The following CTNND2 variants were observed in gnomAD, a reference collection of about 807,000 sequenced individuals.
CTNND2 encodes catenin delta-2.
CTNND2 carries 22 observed loss-of-function variants against 144.4 expected under a neutral mutation model. The ratio of observed to expected loss-of-function variants is 0.15; its 90% confidence interval spans 0.11 to 0.22. The LOEUF (loss-of-function observed/expected upper bound fraction) is 0.22, where lower values mean the gene tolerates loss of function less well. CTNND2 is among the 10% of genes least tolerant of loss of function. The probability of loss-of-function intolerance (pLI) is 1.00; values close to 1 mark genes in which losing one functional copy is unlikely to be tolerated. For missense variants in CTNND2, 1,353 were observed against 1,618.8 expected (o/e 0.84, Z 2.82); for synonymous variants, 751 against 695.6 (o/e 1.08, Z -1.25).
At chr5:11,439,363 G>C (rs553656361) in intron 3 of CTNND2, among the ~76,000 whole-genome samples, 1 of 152,204 alleles carries the variant, frequency 6.6e-6, no homozygotes, top group East Asian at 1.9e-4. Flanking sequence ...GTGGATCTTC[G>C]GTCCACTATT....
chr5:11,555,425 G>C (rs544275629), intron 3 of CTNND2, among the ~76,000 whole-genome samples: 103 of 152,258 alleles, frequency 6.8e-4, no homozygotes, highest in African/African-American at 2.5e-3. Context: ...GAAAGTCTCA[G>C]AGCACTAGTG....
chr5:11,190,380 C>A (rs1034908396), intron 11 of CTNND2, among the ~76,000 whole-genome samples: 1 of 152,248 alleles, frequency 6.6e-6, no homozygotes, highest in Admixed American at 6.5e-5. Context: ...TTCCCCTGGT[C>A]TCCATAAGAT....
chr5:11,866,746 C>T (rs1795787671), intron 1 of CTNND2, among the ~76,000 whole-genome samples: 1 of 152,228 alleles, frequency 6.6e-6, no homozygotes, highest in Admixed American at 6.5e-5. Flanking sequence ...ACAAACTACA[C>T]TACTGCTCAT....
At chr5:11,662,606 A>C (rs1308383556) in intron 2 of CTNND2, among the ~76,000 whole-genome samples, 1 of 152,074 alleles carries the variant, frequency 6.6e-6, no homozygotes, top group Non-Finnish European at 1.5e-5. Context: ...CTCAAATGTT[A>C]ATCTCCTTCG....
chr5:11,536,303 ATCC>A (rs1487480870), intron 3 of CTNND2, among the ~76,000 whole-genome samples: 1 of 152,118 alleles, frequency 6.6e-6, no homozygotes, highest in Non-Finnish European at 1.5e-5. Context: ...GCCTCAAGCA[ATCC>A]TCCTACCTAG....
intron 18 of CTNND2, among the ~76,000 whole-genome samples, chr5:11,000,854 G>C (rs79870290): frequency 6.6e-6 from 1 of 152,136 alleles, no homozygotes; most frequent in South Asian, 2.1e-4. Context: ...AGGTTATTCC[G>C]GGTAGGGCCT....
At chr5:11,301,548 T>G (rs1749611191) in intron 9 of CTNND2, among the ~76,000 whole-genome samples, 1 of 152,210 alleles carries the variant, frequency 6.6e-6, no homozygotes, top group African/African-American at 2.4e-5. Flanking sequence ...TTACAATCTT[T>G]CTTGTTGTTT....
chr5:11,629,156 TTAAATAAC>T (rs1214129530), intron 2 of CTNND2, among the ~76,000 whole-genome samples: 1 of 152,200 alleles, frequency 6.6e-6, no homozygotes, highest in Non-Finnish European at 1.5e-5. Context: ...AGAGCTATGC[TTAAATAAC>T]TAATTTCCAT....
intron 9 of CTNND2, among the ~76,000 whole-genome samples, chr5:11,318,471 G>A (rs73743755): frequency 0.015 from 2,353 of 152,130 alleles, 41 homozygotes; most frequent in African/African-American, 0.053. Context: ...CCCCTCCCAC[G>A]TACAGGATGG....
intron 3 of CTNND2, among the ~76,000 whole-genome samples, chr5:11,495,993 C>T (rs1769897006): frequency 6.6e-6 from 1 of 152,130 alleles, no homozygotes; most frequent in Admixed American, 6.5e-5. Flanking sequence ...TATAATTCTT[C>T]TCCTTTCCTC....
chr5:11,439,733 G>C (rs1764076537), intron 3 of CTNND2, among the ~76,000 whole-genome samples: 1 of 145,170 alleles, frequency 6.9e-6, no homozygotes, highest in African/African-American at 2.6e-5. Flanking sequence ...TGCCCTCTCT[G>C]CTAGCTATAT....
Position 11,365,418 on chromosome 5 carries a change from G to A in CTNND2, c.1178-528C>T, listed in dbSNP as rs961423042. Among the ~76,000 whole-genome samples, 3 of 152,244 alleles carry A rather than the reference G, an allele frequency of 2.0e-5. 1 individual carries two copies. Among genetic ancestry groups the A allele is most frequent in the South Asian group, 4.2e-4 (2 of 4,814 alleles). ...TGAACTTACAACAGCCTAAATCCCC[G>A]AGAGAAGCAGATATTAAAGAAAGAG... On this transcript the variant is annotated intron_variant, in intron 7 of 21. Transcript: ENST00000304623.
intron 9 of CTNND2, among the ~76,000 whole-genome samples, chr5:11,261,852 G>A (rs193103909): frequency 1.4e-3 from 218 of 152,316 alleles, no homozygotes; most frequent in African/African-American, 4.7e-3. Context: ...TCAACTTGAA[G>A]TTGAAATAAT....
intron 12 of CTNND2, among the ~76,000 whole-genome samples, chr5:11,137,599 C>G (rs868244821): frequency 5.3e-5 from 8 of 152,274 alleles, no homozygotes; most frequent in Admixed American, 3.9e-4. Flanking sequence ...GCAGGTCTAA[C>G]TTGGGTGTAG....
At chr5:11,431,875 A>T (rs1763318496) in intron 3 of CTNND2, among the ~76,000 whole-genome samples, 1 of 152,176 alleles carries the variant, frequency 6.6e-6, no homozygotes. Flanking sequence ...GTAGATAACC[A>T]CAATAACACG....
intron 1 of CTNND2, among the ~76,000 whole-genome samples, chr5:11,784,793 T>A (rs760849935): frequency 6.6e-6 from 1 of 152,188 alleles, no homozygotes; most frequent in African/African-American, 2.4e-5. Flanking sequence ...AGCACTGATG[T>A]AAGTGGGTCC....
intron 2 of CTNND2, among the ~76,000 whole-genome samples, chr5:11,669,072 A>G (rs1783731316): frequency 6.6e-6 from 1 of 152,110 alleles, no homozygotes; most frequent in Non-Finnish European, 1.5e-5. Context: ...ATGTTTATTG[A>G]TTTACATATA....
chr5:11,403,823 T>C (rs745830562), intron 5 of CTNND2, among the ~76,000 whole-genome samples: 6 of 152,204 alleles, frequency 3.9e-5, no homozygotes, highest in Non-Finnish European at 5.9e-5. Context: ...AATGGGAACA[T>C]AGCAGTTTAA....
At chr5:11,171,323 T>A (rs1421392990) in intron 11 of CTNND2, among the ~76,000 whole-genome samples, 3 of 152,188 alleles carry the variant, frequency 2.0e-5, no homozygotes, top group Non-Finnish European at 4.4e-5. Flanking sequence ...AAACACAGGC[T>A]CTCACACTTC....
Sources: allele counts gnomAD v4.1 joint callset (sites outside exome capture counted in the v4.1 genomes callset), GRCh38; gene constraint gnomAD v4.1.1; transcripts MANE v1.5; gene names NCBI Gene and HGNC (gene_info 2026-07-23, HGNC 2026-07-21).